Variants in PTPRC observed in about 807,000 individuals in gnomAD.
PTPRC encodes receptor-type tyrosine-protein phosphatase C.
A neutral mutation model predicts 155.9 loss-of-function variants in PTPRC; 44 were observed. The observed-to-expected ratio is 0.28, with a 90% CI of 0.22 to 0.36. The LOEUF (loss-of-function observed/expected upper bound fraction) is 0.36. Among genes scored for constraint, PTPRC ranks in the 10% least tolerant of loss-of-function variants. The pLI is 1.00. For synonymous variants in PTPRC, 525 were observed against 533.1 expected (o/e 0.98, Z 0.21); for missense variants, 1,401 against 1,564.6 (o/e 0.90, Z 1.76).
chr1:198,713,512 C>T (rs1239785441), intron 12 of PTPRC, among the ~76,000 whole-genome samples: 2 of 151,896 alleles, frequency 1.3e-5, no homozygotes, highest in South Asian at 4.1e-4. Flanking sequence ...AACATGGGCC[C>T]ATGTAGCCGC....
intron 8 of PTPRC, among the ~76,000 whole-genome samples, chr1:198,706,297 G>C (rs971577536): frequency 6.6e-6 from 1 of 152,168 alleles, no homozygotes; most frequent in African/African-American, 2.4e-5. Flanking sequence ...TCAAGAAACA[G>C]GTGGTTAATA....
chr1:198,710,936 C>T (rs547818314), intron 11 of PTPRC, among the ~76,000 whole-genome samples: 28 of 152,292 alleles, frequency 1.8e-4, no homozygotes, highest in Admixed American at 1.6e-3. Context: ...CTCACTGCAA[C>T]CTCTGACTCC....
chr1:198,677,939 AG>A (rs1665057572), intron 2 of PTPRC, among the ~76,000 whole-genome samples: 1 of 152,084 alleles, frequency 6.6e-6, no homozygotes, highest in Non-Finnish European at 1.5e-5. Context: ...TTTTCCACAC[AG>A]GGATGTATAT....
chr1:198,695,864 A>C (rs561350710), intron 3 of PTPRC, among the ~76,000 whole-genome samples: 1 of 152,040 alleles, frequency 6.6e-6, no homozygotes, highest in African/African-American at 2.4e-5. Context: ...TTTATTTTTT[A>C]AAAAATCCAT....
At chr1:198,657,906 C>A (rs1044655982) in intron 2 of PTPRC, 6 of 152,276 alleles carry the variant, frequency 3.9e-5, no homozygotes, top group Admixed American at 3.3e-4. Flanking sequence ...TTTGTGGCAT[C>A]TCTTCCACAG....
At chr1:198,685,952 T>G (rs1429595208) in intron 2 of PTPRC, among the ~76,000 whole-genome samples, 1 of 151,660 alleles carries the variant, frequency 6.6e-6, no homozygotes, top group African/African-American at 2.4e-5. Flanking sequence ...CCATTTTTTT[T>G]TCTTTTTTTT....
intron 2 of PTPRC, chr1:198,679,929 G>A: frequency 1.6e-6 from 1 of 612,804 alleles, no homozygotes. Flanking sequence ...TCAGCACTTT[G>A]CCCAGCTCGT....
intron 14 of PTPRC, among the ~76,000 whole-genome samples, chr1:198,720,811 C>G (rs1653849865): frequency 6.6e-6 from 1 of 152,056 alleles, no homozygotes; most frequent in Admixed American, 6.6e-5. Context: ...GAATAGTCAA[C>G]CTAAAAGAAA....
chr1:198,699,544 A>G lies in PTPRC; in HGVS notation c.299-20A>G. 6.2e-7 allele frequency: 1 copy of G among 1,614,018 alleles called. No individual in the cohort carries two copies. The highest frequency in any genetic ancestry group is 8.5e-7 in the Non-Finnish European group (1 of 1,179,904). ...CCAGTGGGGGAAGACTGATGTAATG[A>G]TCTCACTTTCCTACCTTAGGTGTTT... On this transcript the variant is annotated intron_variant, in intron 4 of 32. Transcript: ENST00000442510.
intron 8 of PTPRC, among the ~76,000 whole-genome samples, chr1:198,706,032 C>G (rs577480308): frequency 2.0e-5 from 3 of 152,172 alleles, no homozygotes; most frequent in Non-Finnish European, 2.9e-5. Context: ...TTTCTAAAAG[C>G]TGATTATATC....
intron 23 of PTPRC, among the ~76,000 whole-genome samples, chr1:198,736,883 T>A (rs2102498307): frequency 6.6e-6 from 1 of 151,870 alleles, no homozygotes; most frequent in East Asian, 1.9e-4. Flanking sequence ...TAAGTTGTTA[T>A]AACTGGAGCA....
At chr1:198,699,032 T>C (rs569129415) in intron 4 of PTPRC, among the ~76,000 whole-genome samples, 178 of 152,346 alleles carry the variant, frequency 1.2e-3, no homozygotes, top group African/African-American at 4.1e-3. Context: ...ACTCTGCCAG[T>C]ATGCTAGTTA....
At chr1:198,745,314 G>A (rs976107011) in intron 26 of PTPRC, among the ~76,000 whole-genome samples, 1 of 151,802 alleles carries the variant, frequency 6.6e-6, no homozygotes, top group Non-Finnish European at 1.5e-5. Context: ...ATCACAGATG[G>A]AAGCTGTGAA....
intron 26 of PTPRC, among the ~76,000 whole-genome samples, chr1:198,745,532 A>G (rs1655100731): frequency 6.6e-6 from 1 of 151,800 alleles, no homozygotes; most frequent in Non-Finnish European, 1.5e-5. Flanking sequence ...GGTATAAACT[A>G]GTTACCTCAA....
intron 12 of PTPRC, among the ~76,000 whole-genome samples, chr1:198,714,956 G>T (rs1558017140): frequency 1.3e-5 from 2 of 151,718 alleles, no homozygotes; most frequent in Non-Finnish European, 2.9e-5. Context: ...TGGTTTAGCA[G>T]GTTTTTTTAA....
At chr1:198,708,926 C>T (rs939849426) in intron 10 of PTPRC, among the ~76,000 whole-genome samples, 2 of 152,192 alleles carry the variant, frequency 1.3e-5, no homozygotes, top group South Asian at 2.1e-4. Context: ...TGCGCATGCA[C>T]GCATATCCAC....
chr1:198,714,310 G>A (rs1259836137), intron 12 of PTPRC, among the ~76,000 whole-genome samples: 1 of 151,752 alleles, frequency 6.6e-6, no homozygotes, highest in Non-Finnish European at 1.5e-5. Context: ...GACATTTTAT[G>A]CATTTATGGC....
intron 31 of PTPRC, among the ~76,000 whole-genome samples, chr1:198,753,543 T>C (rs1186249942): frequency 6.6e-6 from 1 of 152,024 alleles, no homozygotes; most frequent in African/African-American, 2.4e-5. Context: ...TTGCATATAC[T>C]AGAATCAAGC....
chr1:198,661,602 A>G (rs1243801989), intron 2 of PTPRC, among the ~76,000 whole-genome samples: 1 of 151,836 alleles, frequency 6.6e-6, no homozygotes, highest in Non-Finnish European at 1.5e-5. Flanking sequence ...ACTGTTAGGT[A>G]AATAATAATA....
Sources: allele counts gnomAD v4.1 joint callset (sites outside exome capture counted in the v4.1 genomes callset), GRCh38; gene constraint gnomAD v4.1.1; transcripts MANE v1.5; gene names NCBI Gene and HGNC (gene_info 2026-07-23, HGNC 2026-07-21).